The following PCDHGA2 variants were observed in gnomAD, a reference collection of about 807,000 sequenced individuals.
PCDHGA2 encodes protocadherin gamma-A2.
A neutral mutation model predicts 59.2 loss-of-function variants in PCDHGA2; 40 were observed. The ratio of observed to expected loss-of-function variants is 0.68; its 90% confidence interval spans 0.52 to 0.88. The LOEUF (loss-of-function observed/expected upper bound fraction) is 0.88. Ranked by LOEUF, PCDHGA2 falls within the 40% of genes least tolerant of loss-of-function variation. PCDHGA2 has a pLI of 0.00. For synonymous variants in PCDHGA2, 560 were observed against 526.0 expected, an observed-to-expected ratio of 1.06 and a Z score of -0.89; for missense variants, 1,226 against 1,204.0, an observed-to-expected ratio of 1.02 and a Z score of -0.27.
At chr5:141,397,216 T>C (rs772120141) in intron 1 of PCDHGA2, among the ~76,000 whole-genome samples, 32 of 152,186 alleles carry the variant, frequency 2.1e-4, no homozygotes, top group Non-Finnish European at 4.1e-4. Context: ...AGAGAAGTAT[T>C]TTGAGATATG....
chr5:141,371,872 C>A, intron 1 of PCDHGA2: 1 of 1,613,534 alleles, frequency 6.2e-7, no homozygotes, highest in Non-Finnish European at 8.5e-7. Context: ...TACATCGTGG[C>A]CAGTGACCTG....
rs774467828 is a variant in PCDHGA2, at chr5:141,340,942, T to C, written c.1971T>C (p.Thr657=). 5.0e-6 allele frequency: 8 copies of C among 1,613,728 alleles called. No individual in the cohort carries two copies. The East Asian group carries it at 1.6e-4, about 31-fold the overall frequency. The change falls in exon 1 of 4, where the codon ACT becomes ACC. Residue 657 remains threonine, a synonymous_variant. Transcript: ENST00000394576. ...ACGGCCAGCCCCCTCTCTCCGCCACTGTCACGCTCACCGTGGCCGTGGCCG... is the reference window on the plus strand; with the variant it reads ...ACGGCCAGCCCCCTCTCTCCGCCACCGTCACGCTCACCGTGGCCGTGGCCG... ...QDHGQPPLSA[T]VTLTVAVADR...
In PCDHGA2 at chr5:141,486,708, C is replaced by A; in HGVS notation, c.2425-8099C>A. On this transcript the variant is annotated intron_variant, in intron 1 of 3. Transcript: ENST00000394576. The surrounding 1 kb of genome is among the most constrained non-coding windows in gnomAD (Gnocchi z 5.0). ...GCTTCCTCTTTCATCTCTCTGAACC[C>A]CCAGACAGGAGCTGTTCATGCTACT... is the stretch of plus-strand genomic sequence containing the variant. 6.2e-7 allele frequency: 1 copy of A among 1,614,180 alleles called. No individual in the cohort carries two copies. Among genetic ancestry groups the A allele is most frequent in the South Asian group, 1.1e-5 (1 of 91,084 alleles).
intron 1 of PCDHGA2, chr5:141,414,939 C>T (rs773327918): frequency 2.5e-6 from 4 of 1,614,090 alleles, no homozygotes; most frequent in Admixed American, 1.7e-5. Context: ...CCGCAGAGCC[C>T]GGCTACCTGG....
chr5:141,365,354 G>A, intron 1 of PCDHGA2: 1 of 1,613,932 alleles, frequency 6.2e-7, no homozygotes, highest in Non-Finnish European at 8.5e-7. Flanking sequence ...GGACGTGAAT[G>A]ACAATGCCCC....
chr5:141,367,022 A>G (rs1764910545), intron 1 of PCDHGA2: 1 of 407,704 alleles, frequency 2.5e-6, no homozygotes, highest in African/African-American at 2.1e-5. Flanking sequence ...ATTTTGTTAT[A>G]TTGGAACTGC....
intron 1 of PCDHGA2, chr5:141,394,655 G>A (rs780779279): frequency 2.7e-5 from 43 of 1,613,284 alleles, no homozygotes; most frequent in Admixed American, 5.0e-5. Flanking sequence ...CCAGCGAGCC[G>A]GGACTCTTCT....
chr5:141,419,391 G>A, intron 1 of PCDHGA2: 1 of 1,613,630 alleles, frequency 6.2e-7, no homozygotes. Flanking sequence ...AGCGCGCAGA[G>A]CGGGGTGGTG....
intron 1 of PCDHGA2, chr5:141,364,524 G>A (rs773568307): frequency 3.1e-6 from 5 of 1,614,056 alleles, no homozygotes; most frequent in Middle Eastern, 1.7e-4. Context: ...CGCGGAGTCC[G>A]CATCGTCTCC....
rs992649031 is a variant in PCDHGA2 at position 141,387,128 on chromosome 5, G to C, written c.2424+45733G>C. On this transcript the variant is annotated intron_variant, in intron 1 of 3. Coordinates refer to ENST00000394576, the MANE Select transcript of PCDHGA2 (RefSeq NM_018915.4). ...ATAATATTCCTGTAATGAAATCACTGAAACTATTGGGAAGGGGGTGTATTT... is the reference window on the plus strand; with the variant it reads ...ATAATATTCCTGTAATGAAATCACTCAAACTATTGGGAAGGGGGTGTATTT... Among the ~76,000 whole-genome samples, 7 of 152,316 alleles carry C rather than the reference G, an allele frequency of 4.6e-5. No homozygotes were observed. The South Asian group carries it at 8.3e-4, about 18-fold the overall frequency.
At chr5:141,456,175 A>G (rs2154565434) in intron 1 of PCDHGA2, among the ~76,000 whole-genome samples, 1 of 151,840 alleles carries the variant, frequency 6.6e-6, no homozygotes, top group East Asian at 1.9e-4. Context: ...GGGATTACAG[A>G]ATAATTTCTT....
chr5:141,492,859 C>T (rs966216924), intron 1 of PCDHGA2, among the ~76,000 whole-genome samples: 1 of 152,232 alleles, frequency 6.6e-6, no homozygotes, highest in Non-Finnish European at 1.5e-5. Flanking sequence ...CTCGAGCGCC[C>T]TGGCTCTCAA....
At chr5:141,502,134 C>T (rs566073996) in intron 2 of PCDHGA2, among the ~76,000 whole-genome samples, 10 of 152,288 alleles carry the variant, frequency 6.6e-5, no homozygotes, top group African/African-American at 2.2e-4. Flanking sequence ...AGAGCTCAGT[C>T]GGGCCGGAAG....
At chr5:141,350,216 T>G (rs767942868) in intron 1 of PCDHGA2, 61 of 1,490,720 alleles carry the variant, frequency 4.1e-5, no homozygotes, top group Non-Finnish European at 5.3e-5. Context: ...CATTTCTTTT[T>G]GAAAAACATC....
intron 1 of PCDHGA2, chr5:141,399,936 C>A (rs1370105984): frequency 6.2e-7 from 1 of 1,612,268 alleles, no homozygotes; most frequent in African/African-American, 1.3e-5. Flanking sequence ...TGTCCTACCA[C>A]GTGCTGCAGG....
rs376937850 is a variant in PCDHGA2 at position 141,491,097 on chromosome 5, C to T, written c.2425-3710C>T. The T allele has an allele frequency of 1.2e-6, 2 of 1,614,170 alleles. No homozygotes were observed. Among genetic ancestry groups the T allele is most frequent in the Non-Finnish European group, 1.7e-6 (2 of 1,180,018 alleles). On this transcript the variant is annotated intron_variant, in intron 1 of 3. Coordinates refer to ENST00000394576, the MANE Select transcript of PCDHGA2 (RefSeq NM_018915.4). The surrounding 1 kb of genome is among the most constrained non-coding windows in gnomAD (Gnocchi z 6.9). ...CACAGTCCACAGCCCCAGGACTGTT[C>T]CTCGTGTCTACACACACTGGTGAGG...
chr5:141,509,810 G>T (rs1272295976), intron 3 of PCDHGA2, among the ~76,000 whole-genome samples: 1 of 152,154 alleles, frequency 6.6e-6, no homozygotes, highest in East Asian at 1.9e-4. Flanking sequence ...ATAGAGCCGA[G>T]CTCTTCTCCA....
Position 141,431,240 on chromosome 5 carries a change from G to A in PCDHGA2, c.2425-63567G>A, listed in dbSNP as rs1402814836. 6 of 1,614,044 alleles carry A rather than the reference G, an allele frequency of 3.7e-6. No individual in the cohort carries two copies. Among genetic ancestry groups the A allele is most frequent in the Non-Finnish European group, 5.1e-6 (6 of 1,180,056 alleles). On this transcript the variant is annotated intron_variant, in intron 1 of 3. Coordinates refer to ENST00000394576, the MANE Select transcript of PCDHGA2 (RefSeq NM_018915.4). The surrounding 1 kb of genome is among the most constrained non-coding windows in gnomAD (Gnocchi z 4.8). Reference sequence around the variant, plus strand: ...CCCTCTACCCCACGCCTGGGATCCGGATATCGGGAAGAACTCTCTGCAGAG... The same window carrying A: ...CCCTCTACCCCACGCCTGGGATCCGAATATCGGGAAGAACTCTCTGCAGAG...
In PCDHGA2 at chr5:141,345,714, G is replaced by C. The variant is rs2149738198; in HGVS notation, c.2424+4319G>C. On this transcript the variant is annotated intron_variant, in intron 1 of 3. Coordinates refer to ENST00000394576, the MANE Select transcript of PCDHGA2 (RefSeq NM_018915.4). ...GCTGGACCAGAACGACAACGCGCCC[G>C]AGATCCTGTACCCCGCCCTCCCCAC... 6.2e-7 allele frequency: 1 copy of C among 1,614,236 alleles called. No homozygotes were observed. Among genetic ancestry groups the C allele is most frequent in the Non-Finnish European group, 8.5e-7 (1 of 1,180,046 alleles).
Sources: gnomAD v4.1 joint callset for allele counts (sites outside exome capture counted in the v4.1 genomes callset) on GRCh38, gnomAD v4.1.1 for gene constraint, Gnocchi (gnomAD v3.1) non-coding constraint, MANE v1.5 for transcripts, NCBI Gene and HGNC (gene_info 2026-07-23, HGNC 2026-07-21) for gene names.